GRIK2: variants seen among roughly 807,000 people sequenced by gnomAD.
The protein encoded by GRIK2 is glutamate ionotropic receptor kainate type subunit 2.
A neutral mutation model predicts 100.3 loss-of-function variants in GRIK2; 32 were observed. The ratio of observed to expected loss-of-function variants is 0.32; its 90% CI spans 0.24 to 0.43. The LOEUF is 0.43. Ranked by LOEUF, GRIK2 falls within the 20% of genes least tolerant of loss-of-function variation. The pLI is 1.00. For synonymous variants in GRIK2, 417 were observed against 389.4 expected (o/e 1.07, Z -0.83); for missense variants, 843 against 1,114.9 (o/e 0.76, Z 3.47).
intron 2 of GRIK2, among the ~76,000 whole-genome samples, chr6:101,499,554 C>A (rs1773642305): frequency 6.6e-6 from 1 of 151,982 alleles, no homozygotes; most frequent in Admixed American, 6.6e-5. Flanking sequence ...CCTACCTTAT[C>A]TTTTTATTTT....
chr6:101,445,066 A>G (rs1490484458), intron 2 of GRIK2, among the ~76,000 whole-genome samples: 2 of 151,990 alleles, frequency 1.3e-5, no homozygotes, highest in Non-Finnish European at 2.9e-5. Flanking sequence ...CTGCTTCTCT[A>G]TCAATTCCCT....
rs1231940199 is a variant in GRIK2 at position 101,470,009 on chromosome 6, C to T, written c.115+70617C>T. Among the ~76,000 whole-genome samples the T allele has an allele frequency of 2.6e-5, 4 of 152,224 alleles. No individual in the cohort carries two copies. The East Asian group carries it at 7.7e-4, about 29-fold the overall frequency. ...GGCTTCTACTACCTGGGAGCTGATT[C>T]CCTCTATGTATCTGGTGTGGGGCAC... On this transcript the variant is annotated intron_variant, in intron 2 of 16. Transcript: ENST00000369134.
chr6:101,714,873 A>G (rs1480317686), intron 7 of GRIK2, among the ~76,000 whole-genome samples: 1 of 151,784 alleles, frequency 6.6e-6, no homozygotes, highest in East Asian at 1.9e-4. Context: ...ATGATATTGA[A>G]TACACTAAAA....
At chr6:101,851,937 T>C (rs1784152332) in intron 10 of GRIK2, among the ~76,000 whole-genome samples, 1 of 142,122 alleles carries the variant, frequency 7.0e-6, no homozygotes, top group African/African-American at 2.6e-5. Context: ...CTGAGTTGTA[T>C]ACTGGCTGTT....
chr6:101,889,664 C>A lies in GRIK2; in HGVS notation c.1549C>A (p.Leu517Met). Residue 517 changes from leucine to methionine, a missense_variant, in exon 12 of 17, where the codon CTG becomes ATG. Around this residue, in one of 3 missense-constraint regions of GRIK2, gnomAD observed 519 missense variants for 643.8 expected, o/e 0.81. Transcript: ENST00000369134. Reference protein sequence around the residue: ...DHKADLAVAPLAITYVREKVI... With the variant: ...DHKADLAVAPMAITYVREKVI... Reference sequence around the variant, plus strand: ...GAAAGCTGACCTTGCAGTTGCTCCACTGGCTATTACCTATGTTCGAGAGAA... The same window carrying A: ...GAAAGCTGACCTTGCAGTTGCTCCAATGGCTATTACCTATGTTCGAGAGAA... 6.3e-7 allele frequency: 1 copy of A among 1,585,524 alleles called. No individual in the cohort carries two copies. The highest frequency in any genetic ancestry group is 8.6e-7 in the Non-Finnish European group (1 of 1,160,050).
intron 14 of GRIK2, among the ~76,000 whole-genome samples, chr6:101,963,452 A>G (rs1792443230): frequency 6.9e-6 from 1 of 145,808 alleles, no homozygotes; most frequent in Non-Finnish European, 1.5e-5. Context: ...CGCCTGCCAC[A>G]GCACCTGGCT....
chr6:101,775,525 A>T, intron 7 of GRIK2, among the ~76,000 whole-genome samples: 1 of 2,644 alleles, frequency 3.8e-4, no homozygotes, highest in Admixed American at 5.2e-3. Context: ...ATATGTGTGT[A>T]TATATATGTA....
intron 12 of GRIK2, among the ~76,000 whole-genome samples, chr6:101,906,555 G>T (rs573639543): frequency 6.6e-6 from 1 of 151,756 alleles, no homozygotes; most frequent in African/African-American, 2.4e-5. Flanking sequence ...AAGGACAAAT[G>T]TACATGGGAA....
At chr6:101,883,275 G>GTATT (rs1358231839) in intron 11 of GRIK2, among the ~76,000 whole-genome samples, 2 of 144,120 alleles carry the variant, frequency 1.4e-5, no homozygotes, top group Non-Finnish European at 1.5e-5. Context: ...AACCTCAAGA[G>GTATT]TATTCTCTTT....
chr6:101,978,143 G>C (rs1562083476), intron 14 of GRIK2, among the ~76,000 whole-genome samples: 1 of 151,874 alleles, frequency 6.6e-6, no homozygotes, highest in Non-Finnish European at 1.5e-5. Context: ...GGTGGCTTCT[G>C]ATCTTCATGC....
intron 2 of GRIK2, among the ~76,000 whole-genome samples, chr6:101,447,340 A>G (rs1208537330): frequency 6.6e-6 from 1 of 151,648 alleles, no homozygotes; most frequent in Admixed American, 6.6e-5. Context: ...CAGGCATTTG[A>G]TAGAATCTGA....
intron 11 of GRIK2, 148 bp from the exon 12 acceptor site, chr6:101,889,492 A>G: frequency 1.8e-6 from 1 of 551,312 alleles, no homozygotes; most frequent in Non-Finnish European, 3.2e-6. Flanking sequence ...AATGCTTTAA[A>G]TTTTAACATA....
chr6:101,975,836 T>TATCTATCTATC (rs1793345056), intron 14 of GRIK2, among the ~76,000 whole-genome samples: 1 of 151,780 alleles, frequency 6.6e-6, no homozygotes, highest in South Asian at 2.1e-4. Context: ...TCTATCTATC[T>TATCTATCTATC]ATCTATCTAT....
chr6:101,394,887 G>A (rs1226646720), intron 1 of GRIK2, among the ~76,000 whole-genome samples: 1 of 152,126 alleles, frequency 6.6e-6, no homozygotes, highest in East Asian at 1.9e-4. Flanking sequence ...ATGTTTGGAA[G>A]TCTTATCTGT....
chr6:101,609,750 A>G (rs1464392288), intron 2 of GRIK2, among the ~76,000 whole-genome samples: 1 of 151,850 alleles, frequency 6.6e-6, no homozygotes, highest in African/African-American at 2.4e-5. Flanking sequence ...AAGAAGAGTA[A>G]GCCATCAAAG....
At chr6:101,719,435 C>G (rs1774315494) in intron 7 of GRIK2, among the ~76,000 whole-genome samples, 1 of 151,694 alleles carries the variant, frequency 6.6e-6, no homozygotes, top group African/African-American at 2.4e-5. Flanking sequence ...ACTTATGTCT[C>G]TGTATGTCTT....
At chr6:101,597,205 TG>T (rs1199105641) in intron 2 of GRIK2, among the ~76,000 whole-genome samples, 1 of 151,582 alleles carries the variant, frequency 6.6e-6, no homozygotes, top group Non-Finnish European at 1.5e-5. Context: ...AACATAAATT[TG>T]GGAACAGTAG....
At chr6:101,749,803 CTTT>C (rs989554915) in intron 7 of GRIK2, among the ~76,000 whole-genome samples, 6 of 92,546 alleles carry the variant, frequency 6.5e-5, no homozygotes, top group East Asian at 3.1e-4. Context: ...GTGCCAGTTT[CTTT>C]TTTTTTTTTT....
At chr6:101,971,462 T>G (rs1296514334) in intron 14 of GRIK2, among the ~76,000 whole-genome samples, 1 of 152,026 alleles carries the variant, frequency 6.6e-6, no homozygotes, top group Admixed American at 6.6e-5. Flanking sequence ...GAAAATGTAT[T>G]ATCCATTGGA....
Sources: allele counts gnomAD v4.1 joint callset (sites outside exome capture counted in the v4.1 genomes callset), GRCh38; gene constraint gnomAD v4.1.1; regional missense constraint gnomAD v4.1.1; transcripts MANE v1.5; gene names NCBI Gene and HGNC (gene_info 2026-07-23, HGNC 2026-07-21).